Variants in SBF1 observed in about 807,000 individuals in gnomAD.
SBF1 encodes the protein myotubularin-related protein 5.
In SBF1, 65 loss-of-function variants were observed where a neutral mutation model predicts 215.8. That is an observed-to-expected ratio of 0.30 (90% CI 0.25 to 0.37). SBF1 has a LOEUF of 0.37. Ranked by LOEUF, SBF1 falls within the 10% of genes least tolerant of loss-of-function variation. SBF1 has a pLI of 1.00. For synonymous variants in SBF1, 1,410 were observed against 1,122.8 expected (o/e 1.26, Z -5.11); for missense variants, 2,634 against 2,667.8 (o/e 0.99, Z 0.28).
chr22:50,452,723 C>CAA lies in SBF1; in HGVS notation c.5043+1787_5043+1788dup, dbSNP rs57951967. On this transcript the variant is annotated intron_variant, in intron 36 of 40. Coordinates refer to ENST00000380817, the MANE Select transcript of SBF1 (RefSeq NM_002972.4). ...GGTGACTGAGGGAGACTCCATCTCTCAAAAAAAAAAAAAAAAAAAAAAAAA... is the reference window on the plus strand; with the variant it reads ...GGTGACTGAGGGAGACTCCATCTCTCAAAAAAAAAAAAAAAAAAAAAAAAAAA... Among the ~76,000 whole-genome samples the CAA allele has an allele frequency of 3.5e-3, 139 of 39,536 alleles. 25 individuals are homozygous for CAA. The highest frequency in any genetic ancestry group is 0.016 in the African/African-American group (130 of 7,922). 25.9% of individuals were successfully genotyped at this position (39,536 alleles called of 152,430 possible). A position where few individuals can be genotyped will look rare whatever the true frequency, so the allele number is the denominator to read the frequency against.
chr22:50,469,072 C>T (rs2067899960), intron 1 of SBF1, among the ~76,000 whole-genome samples: 1 of 152,240 alleles, frequency 6.6e-6, no homozygotes, highest in Admixed American at 6.5e-5. Context: ...TGTTAGAACA[C>T]CAGCCCCACA....
Position 50,461,814 on chromosome 22 carries a change from C to G in SBF1, c.2625G>C (p.Arg875Ser). 1 of 1,613,544 alleles carries G rather than the reference C, an allele frequency of 6.2e-7. No individual in the cohort carries two copies. Among genetic ancestry groups the G allele is most frequent in the Non-Finnish European group, 8.5e-7 (1 of 1,180,008 alleles). ...TLEAVQRESR[R>S]LPPIQKPKLL... ...CGCAAACCTTCTGGATGGGCGGCAG[C>G]CTCCGGCTCTCCCGCTGCACGGCCT... Residue 875 changes from arginine to serine, a missense_variant, in exon 21 of 41, where the codon AGG becomes AGC. By Grantham distance (110) the Arg-to-Ser change is moderately radical. Transcript: ENST00000380817.
Position 50,447,589 on chromosome 22 carries a change from T to C in SBF1, c.5384A>G (p.Tyr1795Cys). 1 of 1,611,696 alleles carries C rather than the reference T, an allele frequency of 6.2e-7. No homozygotes were observed. The highest frequency in any genetic ancestry group is 8.5e-7 in the Non-Finnish European group (1 of 1,179,274). ...AGGCTTCATGAAGGCCCCCTTCTTGTACAGAGTGCCCTCGTAGGACCTGCA... is the reference window on the plus strand; with the variant it reads ...AGGCTTCATGAAGGCCCCCTTCTTGCACAGAGTGCCCTCGTAGGACCTGCA... ...SENRSYEGTL[Y>C]KKGAFMKPWK... The change falls in exon 39 of 41, where the codon TAC becomes TGC. Residue 1795 changes from tyrosine (Y) to cysteine (C), a missense_variant. Physicochemically the swap from Tyr to Cys is radical, Grantham distance 194. Coordinates refer to ENST00000380817, the MANE Select transcript of SBF1 (RefSeq NM_002972.4).
In SBF1 at chr22:50,446,994, G is replaced by C; in HGVS notation, c.*148C>G. On this transcript the variant is annotated 3_prime_UTR_variant, in exon 41 of 41. Coordinates refer to ENST00000380817, the MANE Select transcript of SBF1 (RefSeq NM_002972.4). ...TAGGGCCGGCCGGGCGGGGCGGGGCGGGGACGGGGGCTGTACACACAAGTG... is the reference window on the plus strand; with the variant it reads ...TAGGGCCGGCCGGGCGGGGCGGGGCCGGGACGGGGGCTGTACACACAAGTG... 1 of 759,184 alleles carries C rather than the reference G, an allele frequency of 1.3e-6. No individual in the cohort carries two copies. Among genetic ancestry groups the C allele is most frequent in the East Asian group, 2.7e-5 (1 of 37,232 alleles). The allele number at this position is 759,184 out of a possible 1,614,324, so 47.0% of individuals were successfully genotyped here.
At chr22:50,462,746 G>T in intron 17 of SBF1, 29 bp from the exon 18 acceptor site, 1 of 1,609,982 alleles carries the variant, frequency 6.2e-7, no homozygotes, top group Non-Finnish European at 8.5e-7. Flanking sequence ...AAGGTCAGCT[G>T]GATGCAGCCA....
Position 50,447,384 on chromosome 22 carries a change from C to A in SBF1, c.5521G>T (p.Val1841Leu), listed in dbSNP as rs763173046. The A allele has an allele frequency of 6.2e-7, 1 of 1,613,982 alleles. No individual in the cohort carries two copies. The highest frequency in any genetic ancestry group is 1.3e-5 in the African/African-American group (1 of 75,042). The change falls in exon 40 of 41, where the codon GTG becomes TTG. Residue 1841 changes from valine to leucine, a missense_variant. Coordinates refer to ENST00000380817, the MANE Select transcript of SBF1 (RefSeq NM_002972.4). ...CCCATAGTGGGCGTGCCAGGTGCCA[C>A]AGCCTCCACCTCCGCCAAGTCGATG... is the stretch of plus-strand genomic sequence containing the variant. ...GVIDLAEVEA[V>L]APGTPTMGAP... is the part of the protein sequence containing the mutation.
In SBF1 at chr22:50,446,958, C is replaced by T. The variant is rs2066848763; in HGVS notation, c.*184G>A. The T allele has an allele frequency of 1.4e-5, 10 of 714,612 alleles. 1 individual carries two copies. In the East Asian group the frequency reaches 2.4e-4, roughly 17 times the overall value. The allele number at this position is 714,612 out of a possible 1,614,324, so 44.3% of individuals were successfully genotyped here. ...CCCGGCACGGTGCTCAGCTGTGACGCCAAAATAAGTTAGGGCCGGCCGGGC... is the reference window on the plus strand; with the variant it reads ...CCCGGCACGGTGCTCAGCTGTGACGTCAAAATAAGTTAGGGCCGGCCGGGC... On this transcript the variant is annotated 3_prime_UTR_variant, in exon 41 of 41. Coordinates refer to ENST00000380817, the MANE Select transcript of SBF1 (RefSeq NM_002972.4).
In SBF1 at chr22:50,446,867, G is replaced by A. The variant is rs369419850; in HGVS notation, c.*275C>T. 6 of 743,896 alleles carry A rather than the reference G, an allele frequency of 8.1e-6. No individual in the cohort carries two copies. Among genetic ancestry groups the A allele is most frequent in the Non-Finnish European group, 1.5e-5 (6 of 405,740 alleles). 46.1% of individuals were successfully genotyped at this position (743,896 alleles called of 1,614,324 possible). A position where few individuals can be genotyped will look rare whatever the true frequency, so the allele number is the denominator to read the frequency against. On this transcript the variant is annotated 3_prime_UTR_variant, in exon 41 of 41. Coordinates refer to ENST00000380817, the MANE Select transcript of SBF1 (RefSeq NM_002972.4). Reference sequence around the variant, plus strand: ...AGAAACTCGCCTGCAGCCGCTGGCTGGACCAGCACACGCTGACGGGGCCGG... The same window carrying A: ...AGAAACTCGCCTGCAGCCGCTGGCTAGACCAGCACACGCTGACGGGGCCGG...
In SBF1 at chr22:50,466,433, C is replaced by T. The variant is rs1401471568; in HGVS notation, c.705G>A (p.Lys235=). 4.5e-6 allele frequency: 7 copies of T among 1,552,586 alleles called. No homozygotes were observed. The highest frequency in any genetic ancestry group is 6.1e-6 in the Non-Finnish European group (7 of 1,147,478). The change falls in exon 7 of 41, where the codon AAG becomes AAA. Residue 235 remains lysine, a synonymous_variant. Transcript: ENST00000380817. ...GGTAGCTCCGGGACAGGAAGAGAACCTTGTGCTCCGTGAGGGCGGCACAGA... is the reference window on the plus strand; with the variant it reads ...GGTAGCTCCGGGACAGGAAGAGAACTTTGTGCTCCGTGAGGGCGGCACAGA... ...SLFCAALTEH[K]VLFLSRSYQR... is the part of the protein sequence containing the mutation.
chr22:50,455,211 G>GTCC lies in SBF1; in HGVS notation c.4554+12_4554+13insGGA, dbSNP rs2148570303. The GTCC allele has an allele frequency of 6.2e-7, 1 of 1,612,118 alleles. No homozygotes were observed. The highest frequency in any genetic ancestry group is 8.5e-7 in the Non-Finnish European group (1 of 1,178,776). ...TGCACAGTCCCGGCCCACCCACACA[G>GTCC]CGGCCTGCCCACCTGGTGTACGCAG... On this transcript the variant is annotated intron_variant, in intron 33 of 40. Transcript: ENST00000380817.
intron 2 of SBF1, 137 bp downstream of exon 2, chr22:50,468,239 C>A: frequency 1.2e-6 from 1 of 815,178 alleles, no homozygotes; most frequent in South Asian, 1.7e-5. Context: ...AACCCCCCGA[C>A]AGAGGCTCTG....
At position 50,463,438 on chromosome 22, in the gene SBF1, G is replaced by A; in HGVS notation, c.1750-6C>T. 1.3e-6 allele frequency: 2 copies of A among 1,562,198 alleles called. No individual in the cohort carries two copies. The highest frequency in any genetic ancestry group is 1.7e-6 in the Non-Finnish European group (2 of 1,151,274). On this transcript the variant is annotated splice_polypyrimidine_tract_variant and splice_region_variant and intron_variant, in intron 15 of 40. Coordinates refer to ENST00000380817, the MANE Select transcript of SBF1 (RefSeq NM_002972.4). ...CTCAACACGGCTGGGAGCAGCTGGG[G>A]GTGGGGAAAGGAGACACGGGCTGAG...
intron 36 of SBF1, among the ~76,000 whole-genome samples, chr22:50,449,621 CACAA>C (rs1556417417): frequency 1.0e-3 from 102 of 98,314 alleles, no homozygotes; most frequent in Non-Finnish European, 1.5e-3. Context: ...TCTCAAAACA[CACAA>C]ACACACACAC....
chr22:50,454,912 C>A lies in SBF1; in HGVS notation c.4714G>T (p.Gly1572Cys), dbSNP rs772222089. ...LLYEEKGERR[G>C]QVPCRSVWEY... ...CACACAGACCTGCACGGCACCTGGC[C>A]CCTGCGTTCCCCCTTCTCCTCATAC... The change falls in exon 35 of 41, where the codon GGC becomes TGC. Residue 1572 changes from glycine (G) to cysteine (C), a missense_variant. Physicochemically the swap from Gly to Cys is radical, Grantham distance 159 (BLOSUM62 -3). Coordinates refer to ENST00000380817, the MANE Select transcript of SBF1 (RefSeq NM_002972.4). The A allele has an allele frequency of 1.1e-5, 18 of 1,614,082 alleles. No individual in the cohort carries two copies. The South Asian group carries it at 1.8e-4, about 16-fold the overall frequency.
intron 4 of SBF1, 39 bp from the exon 5 acceptor site, chr22:50,467,487 G>A (rs1325105232): frequency 5.0e-6 from 8 of 1,613,808 alleles, no homozygotes; most frequent in East Asian, 2.2e-5. Context: ...GACAGCCGAT[G>A]GAAGCACCCT....
intron 30 of SBF1, 28 bp downstream of exon 30, chr22:50,456,459 ACCCTC>A: frequency 3.2e-6 from 2 of 622,636 alleles, no homozygotes; most frequent in Non-Finnish European, 4.8e-6. Context: ...CCGAGCCCCC[ACCCTC>A]ACCCCCCACC....
At position 50,460,566 on chromosome 22, in the gene SBF1, C is replaced by A. The variant is rs755290851; in HGVS notation, c.3114G>T (p.Pro1038=). ...AAGGACCCTTGTCCTTGGTGACTCG[C>A]GGTGGCCGGCCAGGTGTGTGGGCAG... ...LGSAHTPGRP[P]RVTKDKGPSL... is the part of the protein sequence containing the mutation. Residue 1038 remains proline (P), a synonymous_variant, in exon 24 of 41, where the codon CCG becomes CCT. Coordinates refer to ENST00000380817, the MANE Select transcript of SBF1 (RefSeq NM_002972.4). 3 of 1,614,066 alleles carry A rather than the reference C, an allele frequency of 1.9e-6. No homozygotes were observed. Among genetic ancestry groups the A allele is most frequent in the Non-Finnish European group, 2.5e-6 (3 of 1,180,012 alleles).
At position 50,457,081 on chromosome 22, in the gene SBF1, A is replaced by G; in HGVS notation, c.3857T>C (p.Leu1286Pro). 6.7e-7 allele frequency: 1 copy of G among 1,489,674 alleles called. No individual in the cohort carries two copies. The highest frequency in any genetic ancestry group is 8.9e-7 in the Non-Finnish European group (1 of 1,127,746). 92.3% of individuals were successfully genotyped at this position (1,489,674 alleles called of 1,614,324 possible). ...GGCCGAGGCCGCCATGGGGTTGGAC[A>G]GCGTGGTGACCCTGGCTCTGGGGCT... ...VPSPRARVTTLSNPMAASASR... is the reference protein window; with the variant it reads ...VPSPRARVTTPSNPMAASASR... Residue 1286 changes from leucine to proline, a missense_variant, in exon 29 of 41, where the codon CTG becomes CCG. By Grantham distance (98) the Leu-to-Pro change is moderately conservative. Coordinates refer to ENST00000380817, the MANE Select transcript of SBF1 (RefSeq NM_002972.4).
At chr22:50,449,382 C>T (rs890450064) in intron 36 of SBF1, among the ~76,000 whole-genome samples, 3 of 151,904 alleles carry the variant, frequency 2.0e-5, no homozygotes, top group South Asian at 2.1e-4. Flanking sequence ...TTTGGGTGGC[C>T]GAGGCGGGTG....
Sources: allele counts gnomAD v4.1 joint callset (sites outside exome capture counted in the v4.1 genomes callset), GRCh38; gene constraint gnomAD v4.1.1; transcripts MANE v1.5; gene names NCBI Gene and HGNC (gene_info 2026-07-23, HGNC 2026-07-21).